MYO18B: variants seen among roughly 807,000 people sequenced by gnomAD.
MYO18B encodes unconventional myosin-XVIIIb.
MYO18B carries 204 observed loss-of-function variants against 273.0 expected under a neutral mutation model. The observed-to-expected ratio is 0.75, with a 90% CI of 0.67 to 0.84. The LOEUF (loss-of-function observed/expected upper bound fraction) is 0.84. Among genes scored for constraint, MYO18B ranks in the 40% least tolerant of loss-of-function variants. The pLI is 0.00. For missense variants in MYO18B, 3,212 were observed against 3,287.6 expected (o/e 0.98, Z 0.56); for synonymous variants, 1,330 against 1,305.7 (o/e 1.02, Z -0.40).
Position 25,823,698 on chromosome 22 carries a change from T to C in MYO18B, c.2695+20T>C, listed in dbSNP as rs753606248. ...GCTCAGGTACATGGCTGCTGCCTCT[T>C]TGGGTGAGCTGGGCCCCCCTCTGGG... is the stretch of plus-strand genomic sequence containing the variant. On this transcript the variant is annotated intron_variant, in intron 13 of 43. Transcript: ENST00000335473. The C allele has an allele frequency of 7.4e-6, 12 of 1,613,286 alleles. No homozygotes were observed. The South Asian group carries it at 1.1e-4, about 15-fold the overall frequency.
chr22:25,746,848 G>C (rs149617914), intron 1 of MYO18B, among the ~76,000 whole-genome samples: 1 of 152,122 alleles, frequency 6.6e-6, no homozygotes, highest in Non-Finnish European at 1.5e-5. Flanking sequence ...GAGGCTGGGC[G>C]CAGTGGCTCA....
intron 8 of MYO18B, among the ~76,000 whole-genome samples, chr22:25,778,362 G>T (rs2086999629): frequency 6.6e-6 from 1 of 152,124 alleles, no homozygotes; most frequent in Non-Finnish European, 1.5e-5. Flanking sequence ...TGTGATATTT[G>T]ATCTGGGCCT....
chr22:26,016,258 A>T (rs1459643783), intron 42 of MYO18B, among the ~76,000 whole-genome samples: 1 of 152,222 alleles, frequency 6.6e-6, no homozygotes, highest in Non-Finnish European at 1.5e-5. Flanking sequence ...TTGTAGCAGA[A>T]GGTAAAAGAC....
At chr22:25,979,423 G>A (rs1057118881) in intron 39 of MYO18B, among the ~76,000 whole-genome samples, 3 of 152,176 alleles carry the variant, frequency 2.0e-5, no homozygotes, top group African/African-American at 7.2e-5. Flanking sequence ...GCAGAAAAAT[G>A]AAATGCCTTT....
At chr22:25,948,825 C>T (rs1482444443) in intron 36 of MYO18B, among the ~76,000 whole-genome samples, 1 of 151,970 alleles carries the variant, frequency 6.6e-6, no homozygotes, top group Admixed American at 6.6e-5. Flanking sequence ...CACAATTCTG[C>T]AAATCCTGAC....
At position 25,834,714 on chromosome 22, in the gene MYO18B, G is replaced by C. The variant is rs951502316; in HGVS notation, c.3061-582G>C. 2.6e-5 allele frequency among the ~76,000 whole-genome samples: 4 copies of C among 152,230 alleles called. No homozygotes were observed. In the East Asian group the frequency reaches 7.7e-4, roughly 29 times the overall value. ...CAGTTTCCCATATGCAAAATTACAG[G>C]GTTGAGTAGATGGTCTCTGAAGCTT... On this transcript the variant is annotated intron_variant, in intron 16 of 43. Coordinates refer to ENST00000335473, the MANE Select transcript of MYO18B (RefSeq NM_032608.7).
At chr22:25,963,145 C>T (rs897139337) in intron 39 of MYO18B, among the ~76,000 whole-genome samples, 4 of 146,462 alleles carry the variant, frequency 2.7e-5, no homozygotes, top group African/African-American at 1.0e-4. Context: ...TCTCCTCTCT[C>T]TCTCTCCTCT....
intron 21 of MYO18B, among the ~76,000 whole-genome samples, chr22:25,852,395 T>TAATG (rs3079384): frequency 0.69 from 104,020 of 150,658 alleles, 36,328 homozygotes; most frequent in East Asian, 0.98. Flanking sequence ...TTTGTTGAGT[T>TAATG]AATGAATGAA....
chr22:25,801,571 G>A (rs1167772181), intron 12 of MYO18B, among the ~76,000 whole-genome samples: 2 of 152,138 alleles, frequency 1.3e-5, no homozygotes, highest in African/African-American at 4.8e-5. Flanking sequence ...GGCTCCTGGC[G>A]GGGTGTTTCA....
chr22:25,768,982 G>A lies in MYO18B; in HGVS notation c.1066G>A (p.Glu356Lys). Residue 356 changes from glutamate to lysine, a missense_variant, in exon 4 of 44, where the codon GAG (glutamate) becomes AAG (lysine). Physicochemically the swap from Glu to Lys is moderately conservative, Grantham distance 56. Coordinates refer to ENST00000335473, the MANE Select transcript of MYO18B (RefSeq NM_032608.7). ...EKTGEPQTQM[E>K]KTSQVQGELG... ...GACAGGTGAGCCTCAGACCCAGATG[G>A]AGAAGACAAGCCAAGTGCAGGGCGA... 1 of 1,611,406 alleles carries A rather than the reference G, an allele frequency of 6.2e-7. No individual in the cohort carries two copies. Among genetic ancestry groups the A allele is most frequent in the Non-Finnish European group, 8.5e-7 (1 of 1,178,720 alleles).
At chr22:25,829,184 A>G (rs1052574777) in intron 15 of MYO18B, among the ~76,000 whole-genome samples, 1 of 152,210 alleles carries the variant, frequency 6.6e-6, no homozygotes, top group Non-Finnish European at 1.5e-5. Context: ...CCCGCAGCCC[A>G]GAAGCACCAA....
chr22:25,799,131 T>TTGTGTGCGTG, intron 12 of MYO18B, among the ~76,000 whole-genome samples: 1 of 145,252 alleles, frequency 6.9e-6, no homozygotes, highest in South Asian at 2.3e-4. Context: ...GTGTTTACGT[T>TTGTGTGCGTG]TGTGTGTGTG....
chr22:25,795,991 CAA>C (rs1408417539), intron 11 of MYO18B, among the ~76,000 whole-genome samples: 1 of 152,170 alleles, frequency 6.6e-6, no homozygotes, highest in African/African-American at 2.4e-5. Context: ...CTGCAAAATT[CAA>C]AGACTTGCTG....
At chr22:26,019,118 T>C (rs7289845) in intron 42 of MYO18B, among the ~76,000 whole-genome samples, 1,970 of 152,262 alleles carry the variant, frequency 0.013, 40 homozygotes, top group African/African-American at 0.045. Context: ...ACACCTACAC[T>C]GCTCTCCCCA....
At chr22:25,832,020 C>T (rs1193215850) in intron 15 of MYO18B, among the ~76,000 whole-genome samples, 6 of 152,084 alleles carry the variant, frequency 3.9e-5, no homozygotes, top group African/African-American at 1.4e-4. Context: ...CATCACAAAT[C>T]GTAAGAGAAA....
intron 40 of MYO18B, among the ~76,000 whole-genome samples, chr22:25,995,734 C>T (rs968205015): frequency 2.0e-5 from 3 of 152,062 alleles, no homozygotes; most frequent in African/African-American, 7.2e-5. Context: ...TAAGAGACAC[C>T]TTTATCTGTC....
At chr22:25,867,734 A>T (rs1360388294) in intron 21 of MYO18B, among the ~76,000 whole-genome samples, 1 of 151,944 alleles carries the variant, frequency 6.6e-6, no homozygotes, top group East Asian at 1.9e-4. Flanking sequence ...GGTTCATGCC[A>T]TTCTCCTGCC....
the MYO18B span, among the ~76,000 whole-genome samples, chr22:26,044,523 C>T: frequency 5.9e-5 from 9 of 152,332 alleles, no homozygotes; most frequent in East Asian, 1.9e-4. Context: ...AAGTGCTTAA[C>T]GTGGAGTGTC....
At chr22:25,830,968 A>G (rs12166358) in intron 15 of MYO18B, among the ~76,000 whole-genome samples, 74,979 of 152,138 alleles carry the variant, frequency 0.49, 20,195 homozygotes, top group Non-Finnish European at 0.6. Context: ...CTTATTTCTG[A>G]TTATCAATGT....
Sources: gnomAD v4.1 joint callset for allele counts (sites outside exome capture counted in the v4.1 genomes callset) on GRCh38, gnomAD v4.1.1 for gene constraint, MANE v1.5 for transcripts, NCBI Gene and HGNC (gene_info 2026-07-23, HGNC 2026-07-21) for gene names.